Variants in GRIK4 observed in about 807,000 individuals in gnomAD.
The protein encoded by GRIK4 is glutamate receptor ionotropic, kainate 4.
A neutral mutation model predicts 104.9 loss-of-function variants in GRIK4; 40 were observed. That is an observed-to-expected ratio of 0.38 (90% CI 0.30 to 0.50). The LOEUF (loss-of-function observed/expected upper bound fraction) is 0.50, where lower values mean the gene tolerates loss of function less well. GRIK4 is among the 20% of genes least tolerant of loss of function. GRIK4 has a pLI of 0.93. For missense variants in GRIK4, 1,047 were observed against 1,308.1 expected (o/e 0.80, Z 3.08); for synonymous variants, 485 against 524.9 (o/e 0.92, Z 1.04).
intron 9 of GRIK4, chr11:120,871,501 T>A (rs1243751033): frequency 4.8e-6 from 2 of 416,614 alleles, no homozygotes; most frequent in African/African-American, 4.1e-5. Flanking sequence ...TCAGCCCACC[T>A]CATCCTAGCT....
chr11:120,661,725 GCA>G (rs952158393), intron 3 of GRIK4, among the ~76,000 whole-genome samples: 1 of 152,126 alleles, frequency 6.6e-6, no homozygotes, highest in Non-Finnish European at 1.5e-5. Context: ...TACCTTGTGG[GCA>G]CAGTTTTTCA....
intron 3 of GRIK4, among the ~76,000 whole-genome samples, chr11:120,733,889 C>A (rs942983891): frequency 2.9e-4 from 44 of 152,068 alleles, no homozygotes; most frequent in African/African-American, 1.0e-3. Flanking sequence ...AGGCACCCGC[C>A]ACCGCACCTG....
intron 12 of GRIK4, 34 bp downstream of exon 12, chr11:120,898,673 A>G: frequency 1.6e-6 from 2 of 1,222,046 alleles, no homozygotes; most frequent in South Asian, 1.2e-5. Context: ...CAGCTGCAGC[A>G]TCCTGGGGTG....
At chr11:120,579,476 A>G (rs1029010697) in intron 1 of GRIK4, among the ~76,000 whole-genome samples, 17 of 152,378 alleles carry the variant, frequency 1.1e-4, no homozygotes, top group African/African-American at 4.1e-4. Flanking sequence ...AGAGGAGGTC[A>G]GAGAAGCATG....
chr11:120,959,975 G>T (rs1007134686), intron 16 of GRIK4, among the ~76,000 whole-genome samples: 11 of 152,136 alleles, frequency 7.2e-5, no homozygotes, highest in African/African-American at 2.7e-4. Flanking sequence ...GTTGCATTGA[G>T]CCCTGATTAA....
intron 1 of GRIK4, among the ~76,000 whole-genome samples, chr11:120,632,579 C>T (rs187152105): frequency 6.2e-4 from 94 of 152,234 alleles, no homozygotes; most frequent in African/African-American, 2.2e-3. Context: ...CACTTGTCCC[C>T]GTTTGTCCCA....
chr11:120,753,647 T>C (rs1951600955), intron 3 of GRIK4, among the ~76,000 whole-genome samples: 1 of 152,180 alleles, frequency 6.6e-6, no homozygotes, highest in Admixed American at 6.5e-5. Context: ...GTAGTTATTC[T>C]ACATCCAGCC....
intron 3 of GRIK4, among the ~76,000 whole-genome samples, chr11:120,785,745 G>C (rs535026552): frequency 1.3e-5 from 2 of 152,198 alleles, no homozygotes; most frequent in Non-Finnish European, 2.9e-5. Context: ...CAGCAGTCCC[G>C]TGACACAGGG....
At chr11:120,608,393 C>T (rs1156637055) in intron 1 of GRIK4, among the ~76,000 whole-genome samples, 3 of 152,218 alleles carry the variant, frequency 2.0e-5, no homozygotes, top group Non-Finnish European at 2.9e-5. Context: ...GACTCAAAAT[C>T]ACTAGGCTAA....
intron 3 of GRIK4, among the ~76,000 whole-genome samples, chr11:120,691,168 C>T (rs1156846252): frequency 2.6e-5 from 4 of 152,170 alleles, no homozygotes; most frequent in East Asian, 1.9e-4. Context: ...CATTTTATCT[C>T]GGCATCTACT....
intron 3 of GRIK4, among the ~76,000 whole-genome samples, chr11:120,786,021 A>G (rs1056381496): frequency 3.3e-5 from 5 of 152,066 alleles, no homozygotes; most frequent in Non-Finnish European, 5.9e-5. Context: ...TGCAACCTTC[A>G]AACATTTCCC....
chr11:120,823,980 C>G (rs969477563), intron 6 of GRIK4, among the ~76,000 whole-genome samples: 1 of 152,226 alleles, frequency 6.6e-6, no homozygotes, highest in Admixed American at 6.5e-5. Context: ...AATGAGGGAC[C>G]GAAGGGAAAT....
chr11:120,748,260 T>C (rs1387829164), intron 3 of GRIK4, among the ~76,000 whole-genome samples: 1 of 152,116 alleles, frequency 6.6e-6, no homozygotes, highest in Non-Finnish European at 1.5e-5. Flanking sequence ...TCCCAGACTC[T>C]CCCTTCCACC....
intron 13 of GRIK4, among the ~76,000 whole-genome samples, chr11:120,909,278 G>T (rs1942939954): frequency 6.6e-6 from 1 of 152,242 alleles, no homozygotes; most frequent in African/African-American, 2.4e-5. Context: ...CAAACATAAG[G>T]ATGAGCTTTG....
At chr11:120,822,483 G>A (rs563406984) in intron 6 of GRIK4, among the ~76,000 whole-genome samples, 32 of 152,258 alleles carry the variant, frequency 2.1e-4, no homozygotes, top group African/African-American at 7.2e-4. Flanking sequence ...TTATCAAATG[G>A]GTTTCCTCTG....
At chr11:120,853,734 C>G (rs947693467) in intron 8 of GRIK4, among the ~76,000 whole-genome samples, 1 of 152,214 alleles carries the variant, frequency 6.6e-6, no homozygotes, top group African/African-American at 2.4e-5. Flanking sequence ...TTAAGGATAT[C>G]TTCCTCCTTT....
At chr11:120,914,819 C>G (rs949356412) in intron 13 of GRIK4, among the ~76,000 whole-genome samples, 2 of 152,130 alleles carry the variant, frequency 1.3e-5, no homozygotes, top group Non-Finnish European at 2.9e-5. Context: ...GAAGGTTACT[C>G]TAGCAGATGA....
chr11:120,643,416 T>C (rs1200905620), intron 1 of GRIK4, among the ~76,000 whole-genome samples: 1 of 152,150 alleles, frequency 6.6e-6, no homozygotes, highest in Non-Finnish European at 1.5e-5. Context: ...TGAGGCACCG[T>C]GGGACCCAGC....
intron 1 of GRIK4, among the ~76,000 whole-genome samples, chr11:120,522,077 G>T (rs1475485192): frequency 2.0e-5 from 3 of 152,184 alleles, no homozygotes; most frequent in African/African-American, 7.2e-5. Flanking sequence ...TATGTAGCTT[G>T]CCCAAGATGA....
Sources: gnomAD v4.1 joint callset for allele counts (sites outside exome capture counted in the v4.1 genomes callset) on GRCh38, gnomAD v4.1.1 for gene constraint, MANE v1.5 for transcripts, NCBI Gene and HGNC (gene_info 2026-07-23, HGNC 2026-07-21) for gene names.